The following SCAI variants were observed in gnomAD, a reference collection of about 807,000 sequenced individuals.
SCAI encodes suppressor of cancer cell invasion.
SCAI carries 24 observed loss-of-function variants against 92.2 expected under a neutral mutation model. The observed-to-expected ratio is 0.26, with a 90% CI of 0.19 to 0.37. SCAI has a LOEUF of 0.37. Ranked by LOEUF, SCAI falls within the 10% of genes least tolerant of loss-of-function variation. The probability of loss-of-function intolerance (pLI) is 1.00; values close to 1 mark genes in which losing one functional copy is unlikely to be tolerated. For synonymous variants in SCAI, 261 were observed against 258.6 expected (o/e 1.01, Z -0.09); for missense variants, 450 against 736.2 (o/e 0.61, Z 4.50).
intron 3 of SCAI, among the ~76,000 whole-genome samples, chr9:125,051,047 G>A (rs554759439): frequency 6.6e-6 from 1 of 152,096 alleles, no homozygotes; most frequent in South Asian, 2.1e-4. Context: ...CTTAGAGACA[G>A]AGTCTTGCTC....
chr9:125,118,141 A>G (rs1039814595), intron 2 of SCAI, among the ~76,000 whole-genome samples: 4 of 151,980 alleles, frequency 2.6e-5, no homozygotes, highest in African/African-American at 9.7e-5. Flanking sequence ...ATAGTGAACT[A>G]AACACTTAAA....
At chr9:125,088,934 G>A (rs1021461749) in intron 2 of SCAI, among the ~76,000 whole-genome samples, 2 of 152,022 alleles carry the variant, frequency 1.3e-5, no homozygotes, top group African/African-American at 4.8e-5. Flanking sequence ...TCGCCTCTAC[G>A]CACTAGATGC....
chr9:125,018,154 G>C (rs1489577257), intron 9 of SCAI, among the ~76,000 whole-genome samples: 1 of 151,996 alleles, frequency 6.6e-6, no homozygotes, highest in Non-Finnish European at 1.5e-5. Flanking sequence ...GAGTACAGTG[G>C]TGTGATCTTG....
chr9:125,003,863 T>C (rs1832416285), intron 9 of SCAI, among the ~76,000 whole-genome samples: 1 of 152,182 alleles, frequency 6.6e-6, no homozygotes, highest in Non-Finnish European at 1.5e-5. Flanking sequence ...CCTCAGGTTT[T>C]GTTTTTTTAA....
chr9:124,999,850 G>A (rs750174752), intron 13 of SCAI, 41 bp downstream of exon 13: 1 of 975,854 alleles, frequency 1.0e-6, no homozygotes, highest in Admixed American at 2.4e-5. Context: ...TATAGACAGA[G>A]GTATAATTTT....
intron 3 of SCAI, among the ~76,000 whole-genome samples, chr9:125,048,039 C>T (rs1333528913): frequency 2.0e-5 from 3 of 151,960 alleles, no homozygotes; most frequent in Non-Finnish European, 2.9e-5. Context: ...AATGCAATGG[C>T]GTGATCTCGG....
chr9:125,103,342 G>A (rs1019636475), intron 2 of SCAI, among the ~76,000 whole-genome samples: 8 of 151,962 alleles, frequency 5.3e-5, no homozygotes, highest in African/African-American at 1.9e-4. Flanking sequence ...TGACTTCCAG[G>A]ACTCCAAATA....
intron 14 of SCAI, among the ~76,000 whole-genome samples, chr9:124,976,832 A>G (rs1831766949): frequency 6.6e-6 from 1 of 152,226 alleles, no homozygotes; most frequent in African/African-American, 2.4e-5. Flanking sequence ...ACATTTTTTA[A>G]AATACTCTTG....
rs546592315 is a variant in SCAI at position 125,003,237 on chromosome 9, A to G, written c.964-22T>C. 5 of 1,541,244 alleles carry G rather than the reference A, an allele frequency of 3.2e-6. No individual in the cohort carries two copies. The South Asian group carries it at 4.5e-5, about 14-fold the overall frequency. On this transcript the variant is annotated intron_variant, in intron 10 of 17. Transcript: ENST00000336505. ...ATTCCTATATTTACACACAGAAAAC[A>G]TTATACATAAAAGCTGCATTTGACA...
At chr9:125,012,579 G>T (rs1832661902) in intron 9 of SCAI, among the ~76,000 whole-genome samples, 1 of 152,072 alleles carries the variant, frequency 6.6e-6, no homozygotes, top group Non-Finnish European at 1.5e-5. Flanking sequence ...CAATAATAAT[G>T]GGTGACTTTA....
At chr9:124,979,596 T>C (rs569572962) in intron 14 of SCAI, among the ~76,000 whole-genome samples, 1 of 152,230 alleles carries the variant, frequency 6.6e-6, no homozygotes, top group South Asian at 2.1e-4. Flanking sequence ...CATTTACAAC[T>C]TTTTTTCTAA....
At chr9:125,092,830 CTCTTT>C in intron 2 of SCAI, among the ~76,000 whole-genome samples, 1 of 152,346 alleles carries the variant, frequency 6.6e-6, no homozygotes, top group East Asian at 1.9e-4. Flanking sequence ...ACAGCATTAA[CTCTTT>C]AGAAGACTTG....
At chr9:125,103,872 A>C (rs1369985120) in intron 2 of SCAI, among the ~76,000 whole-genome samples, 4 of 152,220 alleles carry the variant, frequency 2.6e-5, no homozygotes, top group African/African-American at 9.6e-5. Flanking sequence ...AAAGGAAGTT[A>C]GTGTTATATA....
At position 125,012,101 on chromosome 9, in the gene SCAI, G is replaced by T. The variant is rs149319572; in HGVS notation, c.861+6698C>A. Reference sequence around the variant, plus strand: ...CATGCCAAATTGCAAAGACCATCGAGGCTAGGAAGAAACTGCATCAACTAA... The same window carrying T: ...CATGCCAAATTGCAAAGACCATCGATGCTAGGAAGAAACTGCATCAACTAA... On this transcript the variant is annotated intron_variant, in intron 9 of 17. Transcript: ENST00000336505. Among the ~76,000 whole-genome samples the T allele has an allele frequency of 9.7e-3, 1,482 of 152,172 alleles. 17 individuals are homozygous for T. Among genetic ancestry groups the T allele is most frequent in the African/African-American group, 0.034 (1,413 of 41,512 alleles).
At chr9:124,999,111 G>A (rs997184288) in intron 13 of SCAI, among the ~76,000 whole-genome samples, 13 of 151,476 alleles carry the variant, frequency 8.6e-5, no homozygotes, top group African/African-American at 2.9e-4. Context: ...AAATGTGGCC[G>A]GGCACGGTGG....
intron 17 of SCAI, among the ~76,000 whole-genome samples, chr9:124,967,308 G>A (rs1831561263): frequency 6.6e-6 from 1 of 152,158 alleles, no homozygotes; most frequent in Non-Finnish European, 1.5e-5. Flanking sequence ...CTGTTAGGCT[G>A]CTTGACAGGA....
intron 2 of SCAI, among the ~76,000 whole-genome samples, chr9:125,129,865 G>C (rs1280479213): frequency 6.6e-6 from 1 of 151,736 alleles, no homozygotes; most frequent in Non-Finnish European, 1.5e-5. Flanking sequence ...TTTAATGAAA[G>C]TTCACATCAC....
In SCAI at chr9:125,106,132, T is replaced by A. The variant is rs1386716708; in HGVS notation, c.98+36501A>T. Among the ~76,000 whole-genome samples, 193 of 82,232 alleles carry A rather than the reference T, an allele frequency of 2.3e-3. 1 individual carries two copies. The highest frequency in any genetic ancestry group is 5.9e-3 in the Middle Eastern group (1 of 170). 53.9% of individuals were successfully genotyped at this position (82,232 alleles called of 152,430 possible). The stretch of plus-strand genomic sequence containing the variant: ...AAAAAAAAAAAAAAAAATATATATA[T>A]ATATATATATATATATATATATAGT... On this transcript the variant is annotated intron_variant, in intron 2 of 17. Coordinates refer to ENST00000336505, the MANE Select transcript of SCAI (RefSeq NM_001144877.3).
intron 17 of SCAI, among the ~76,000 whole-genome samples, chr9:124,965,026 G>T (rs1831511825): frequency 6.6e-6 from 1 of 150,466 alleles, no homozygotes; most frequent in Non-Finnish European, 1.5e-5. Context: ...TCCAGAAAAG[G>T]TACTTTCTGG....
Sources: gnomAD v4.1 joint callset for allele counts (sites outside exome capture counted in the v4.1 genomes callset) on GRCh38, gnomAD v4.1.1 for gene constraint, MANE v1.5 for transcripts, NCBI Gene and HGNC (gene_info 2026-07-23, HGNC 2026-07-21) for gene names.